The following BAHCC1 variants were observed in gnomAD, a reference collection of about 807,000 sequenced individuals.
BAHCC1 encodes the protein BAH domain and coiled-coil containing 1, also known as BAH and coiled-coil domain-containing protein 1.
Under a neutral mutation model 88.2 loss-of-function variants are expected in BAHCC1, and 43 were observed. The ratio of observed to expected loss-of-function variants is 0.49; its 90% CI spans 0.38 to 0.63. The LOEUF (loss-of-function observed/expected upper bound fraction) is 0.63, where lower values mean the gene tolerates loss of function less well. Among genes scored for constraint, BAHCC1 ranks in the 20% least tolerant of loss-of-function variants. The pLI is 0.00. For synonymous variants in BAHCC1, 1,510 were observed against 745.5 expected (o/e 2.03, Z -16.71); for missense variants, 3,023 against 1,654.8 (o/e 1.83, Z -14.34).
At position 81,452,715 on chromosome 17, in the gene BAHCC1, GC is replaced by G. The variant is rs782028636; in HGVS notation, c.4317-3del. The G allele has an allele frequency of 1.3e-5, 10 of 745,976 alleles. No homozygotes were observed. The highest frequency in any genetic ancestry group is 5.4e-5 in the African/African-American group (3 of 56,036). The allele number at this position is 745,976 out of a possible 1,614,324, so 46.2% of individuals were successfully genotyped here. On this transcript the variant is annotated splice_region_variant and splice_polypyrimidine_tract_variant and intron_variant, in intron 13 of 27. Transcript: ENST00000675386. ...TGAGCCTCTGACCATCCCCCCTGCG[GC>G]CCCCAGGAGAGACGAGAGTTCACGG... is the stretch of plus-strand genomic sequence containing the variant.
intron 16 of BAHCC1, 52 bp downstream of exon 16, chr17:81,456,637 CG>C: frequency 3.0e-6 from 2 of 664,406 alleles, no homozygotes. Flanking sequence ...CATGGTCGCT[CG>C]GGGGCTGGAG....
chr17:81,427,557 GC>G (rs1249670206), intron 3 of BAHCC1, among the ~76,000 whole-genome samples: 2 of 152,148 alleles, frequency 1.3e-5, no homozygotes, highest in Non-Finnish European at 2.9e-5. Context: ...ACTCCTGGAG[GC>G]CCCCCTGGCC....
At position 81,451,328 on chromosome 17, in the gene BAHCC1, G is replaced by A. The variant is rs1312818843; in HGVS notation, c.3977-340G>A. 6 of 265,544 alleles carry A rather than the reference G, an allele frequency of 2.3e-5. No individual in the cohort carries two copies. In the South Asian group the frequency reaches 2.4e-4, roughly 11 times the overall value. 16.4% of individuals were successfully genotyped at this position (265,544 alleles called of 1,614,324 possible). A position where few individuals can be genotyped will look rare whatever the true frequency, so the allele number is the denominator to read the frequency against. On this transcript the variant is annotated intron_variant, in intron 11 of 27. Transcript: ENST00000675386. ...CTGCCGTTCGAAGCAGGGCCCCCCC[G>A]GTGGGGGGACACACAGGCGTTTCTG...
intron 2 of BAHCC1, chr17:81,422,705 GGGAGAGCTCAAGGTACA>G: frequency 2.6e-6 from 1 of 387,820 alleles, no homozygotes; most frequent in Non-Finnish European, 5.1e-6. Context: ...GATGTGGTGT[GGGAGAGCTCAAGGTACA>G]GGGTTCTCAG....
In BAHCC1 at chr17:81,461,054, A is replaced by G; in HGVS notation, c.6391A>G (p.Lys2131Glu). 2.6e-6 allele frequency: 2 copies of G among 771,892 alleles called. No homozygotes were observed. Among genetic ancestry groups the G allele is most frequent in the Non-Finnish European group, 4.8e-6 (2 of 417,026 alleles). The allele number at this position is 771,892 out of a possible 1,614,324, so 47.8% of individuals were successfully genotyped here. The change falls in exon 26 of 28, where the codon AAG becomes GAG. Residue 2131 changes from lysine (K) to glutamate (E), a missense_variant. Coordinates refer to ENST00000675386, the MANE Select transcript of BAHCC1 (RefSeq NM_001377448.1). ...NLFQLNGSSK[K>E]LRAREALFPV... is the part of the protein sequence containing the mutation. The stretch of plus-strand genomic sequence containing the variant: ...CTTCCAGCTCAACGGCAGCAGCAAG[A>G]AGCTGCGGGCCCGCGAGGCCCTGTT...
chr17:81,441,917 GC>G lies in BAHCC1; in HGVS notation c.571del (p.His191ThrfsTer109). ...CCCCAGCGTGGCCCGGGCCGCCCCT[GC>G]CCACCCCATGGGCTCCTGCAGCCGG... Reference protein sequence around the residue: ...NFPSVARAAPAHPMGSCSRDR... With the variant: ...NFPSVARAAPXHPMGSCSRDR... On this transcript the variant is annotated frameshift_variant, in exon 5 of 28. Coordinates refer to ENST00000675386, the MANE Select transcript of BAHCC1 (RefSeq NM_001377448.1). LOFTEE classifies it high-confidence loss of function. 1.4e-6 allele frequency: 1 copy of G among 710,636 alleles called. No individual in the cohort carries two copies. Among genetic ancestry groups the G allele is most frequent in the Non-Finnish European group, 2.6e-6 (1 of 377,866 alleles). 44.0% of individuals were successfully genotyped at this position (710,636 alleles called of 1,614,324 possible).
At position 81,463,475 on chromosome 17, in the gene BAHCC1, C is replaced by T. The variant is rs1004229570; in HGVS notation, c.7621-136C>T. On this transcript the variant is annotated intron_variant, in intron 27 of 27. Coordinates refer to ENST00000675386, the MANE Select transcript of BAHCC1 (RefSeq NM_001377448.1). The stretch of plus-strand genomic sequence containing the variant: ...TGGACCTGGTCCCTGGCAGGTTCCT[C>T]GGCCCCGTCTTCCGGCCACACAGAA... The T allele has an allele frequency of 1.1e-4, 70 of 652,754 alleles. No individual in the cohort carries two copies. In the Admixed American group the frequency reaches 1.3e-3, roughly 12 times the overall value. 40.4% of individuals were successfully genotyped at this position (652,754 alleles called of 1,614,324 possible).
At chr17:81,421,335 T>A (rs1161569503) in intron 2 of BAHCC1, among the ~76,000 whole-genome samples, 1 of 152,136 alleles carries the variant, frequency 6.6e-6, no homozygotes, top group Non-Finnish European at 1.5e-5. Context: ...TGGCCACTGG[T>A]CGGCGGGGGG....
intron 2 of BAHCC1, among the ~76,000 whole-genome samples, chr17:81,412,084 G>C (rs546318343): frequency 1.3e-5 from 2 of 152,214 alleles, no homozygotes; most frequent in South Asian, 4.1e-4. Context: ...GTCCCTGGCC[G>C]GTGAGCTGGC....
chr17:81,453,966 C>T (rs2064696879), intron 14 of BAHCC1, among the ~76,000 whole-genome samples: 2 of 152,260 alleles, frequency 1.3e-5, no homozygotes, highest in African/African-American at 4.8e-5. Flanking sequence ...CCAGCCTCCT[C>T]TGTGAGCAGG....
chr17:81,416,711 G>A (rs1157251251), intron 2 of BAHCC1, among the ~76,000 whole-genome samples: 4 of 152,212 alleles, frequency 2.6e-5, no homozygotes, highest in African/African-American at 7.2e-5. Context: ...GCCATCCCGA[G>A]CCTGCACCTG....
intron 3 of BAHCC1, 134 bp from the exon 4 acceptor site, chr17:81,438,236 C>G: frequency 1.5e-6 from 1 of 651,480 alleles, no homozygotes; most frequent in East Asian, 2.7e-5. Context: ...GATTTCCCCC[C>G]GGCGGCTGCG....
At chr17:81,448,968 CCAGGGACCCGCCGTGGGAGGGTCT>C (rs1488976115) in intron 11 of BAHCC1, among the ~76,000 whole-genome samples, 1 of 152,170 alleles carries the variant, frequency 6.6e-6, no homozygotes, top group Admixed American at 6.5e-5. Flanking sequence ...GCCTGAGCTG[CCAGGGACCCGCCGTGGGAGGGTCT>C]CAGGGACCCT....
chr17:81,458,472 G>T lies in BAHCC1; in HGVS notation c.5343+6G>T. On this transcript the variant is annotated splice_donor_region_variant and intron_variant, in intron 18 of 27. Transcript: ENST00000675386. Reference sequence around the variant, plus strand: ...TGCTGCAGCCAGTGCTGCGGGTGAGGCTGGGCTCTGGGGTGCTGGGCGGAG... The same window carrying T: ...TGCTGCAGCCAGTGCTGCGGGTGAGTCTGGGCTCTGGGGTGCTGGGCGGAG... The T allele has an allele frequency of 2.8e-6, 2 of 702,076 alleles. No homozygotes were observed. Among genetic ancestry groups the T allele is most frequent in the Non-Finnish European group, 5.3e-6 (2 of 380,778 alleles). The allele number at this position is 702,076 out of a possible 1,614,324, so 43.5% of individuals were successfully genotyped here.
Position 81,399,790 on chromosome 17 carries a change from G to T in BAHCC1, c.51G>T (p.Gly17=). The T allele has an allele frequency of 8.0e-7, 1 of 1,255,716 alleles. No homozygotes were observed. Among genetic ancestry groups the T allele is most frequent in the Non-Finnish European group, 1.0e-6 (1 of 1,001,810 alleles). The allele number at this position is 1,255,716 out of a possible 1,614,324, so 77.8% of individuals were successfully genotyped here. A position where few individuals can be genotyped will look rare whatever the true frequency, so the allele number is the denominator to read the frequency against. Residue 17 remains glycine, a synonymous_variant, in exon 2 of 28, where the codon GGG becomes GGT. Coordinates refer to ENST00000675386, the MANE Select transcript of BAHCC1 (RefSeq NM_001377448.1). This position sits in a 1 kb window ranked among gnomAD's most constrained non-coding sequence, Gnocchi z 4.5. Reference sequence around the variant, plus strand: ...CGCCGCATCTGCTGTCGGAGCGCGGGAGCCTGGGCCACCGCAGCGCCGCTG... The same window carrying T: ...CGCCGCATCTGCTGTCGGAGCGCGGTAGCCTGGGCCACCGCAGCGCCGCTG... The part of the protein sequence containing the change: ...APPPHLLSER[G]SLGHRSAAAA...
chr17:81,426,128 T>G (rs2064194210), intron 2 of BAHCC1, among the ~76,000 whole-genome samples: 8 of 119,928 alleles, frequency 6.7e-5, no homozygotes, highest in Non-Finnish European at 1.1e-4. Flanking sequence ...GTGGTGATAG[T>G]GGTTGGTGGT....
At chr17:81,415,786 G>C (rs2064012902) in intron 2 of BAHCC1, among the ~76,000 whole-genome samples, 1 of 152,230 alleles carries the variant, frequency 6.6e-6, no homozygotes. Flanking sequence ...CCCCAGCCCT[G>C]CTTAAGCTGA....
intron 4 of BAHCC1, among the ~76,000 whole-genome samples, chr17:81,440,694 G>A (rs374488565): frequency 2.0e-5 from 3 of 152,248 alleles, no homozygotes; most frequent in East Asian, 1.9e-4. Flanking sequence ...GACCCTAGCC[G>A]GGAAGGGAGG....
chr17:81,445,416 C>T lies in BAHCC1; in HGVS notation c.2898C>T (p.Ser966=), dbSNP rs1555654044. Residue 966 remains serine, a synonymous_variant, in exon 10 of 28, where the codon TCC becomes TCT. Coordinates refer to ENST00000675386, the MANE Select transcript of BAHCC1 (RefSeq NM_001377448.1). ...CCGCCCAGGAGAAGGCCCCAAAGTC[C>T]ACCCACAAGCCAGTTGCCTTAACCC... The part of the protein sequence containing the change: ...EEPAQEKAPK[S]THKPVALTPT... 3.9e-6 allele frequency: 3 copies of T among 776,074 alleles called. No individual in the cohort carries two copies. The highest frequency in any genetic ancestry group is 1.7e-5 in the African/African-American group (1 of 59,168). 48.1% of individuals were successfully genotyped at this position (776,074 alleles called of 1,614,324 possible).
Sources: allele counts gnomAD v4.1 joint callset (sites outside exome capture counted in the v4.1 genomes callset), GRCh38; gene constraint gnomAD v4.1.1; non-coding constraint Gnocchi (gnomAD v3.1); transcripts MANE v1.5; gene names NCBI Gene and HGNC (gene_info 2026-07-23, HGNC 2026-07-21).